Variants in TTC36 observed in about 807,000 individuals in gnomAD.
TTC36 encodes the protein tetratricopeptide repeat protein 36.
Under a neutral mutation model 17.5 loss-of-function variants are expected in TTC36, and 15 were observed. That is an observed-to-expected ratio of 0.86 (90% CI 0.57 to 1.32). The LOEUF (loss-of-function observed/expected upper bound fraction) is 1.32, where lower values mean the gene tolerates loss of function less well. Ranked by LOEUF, TTC36 falls within the 40% of genes most tolerant of loss-of-function variation. The probability of loss-of-function intolerance (pLI) is 0.00; values close to 1 mark genes in which losing one functional copy is unlikely to be tolerated. For synonymous variants in TTC36, 112 were observed against 109.8 expected (o/e 1.02, Z -0.13); for missense variants, 292 against 260.9 (o/e 1.12, Z -0.82).
chr11:118,527,911 T>C (rs1951114835), intron 1 of TTC36: 2 of 498,590 alleles, frequency 4.0e-6, no homozygotes, highest in East Asian at 5.5e-5. Flanking sequence ...CTCACATTTT[T>C]GTCATAACAG....
chr11:118,530,652 A>G lies in TTC36; in HGVS notation c.308-2A>G. Reference sequence around the variant, plus strand: ...GCCCCGCCCGTCTCGTCGGTCCCGCAGGCGCCCTGGAGGATCTGGAACGCG... The same window carrying G: ...GCCCCGCCCGTCTCGTCGGTCCCGCGGGCGCCCTGGAGGATCTGGAACGCG... On this transcript the variant is annotated splice_acceptor_variant, in intron 2 of 2. Transcript: ENST00000302783. LOFTEE classifies it high-confidence loss of function. The surrounding 1 kb of genome is among the most constrained non-coding windows in gnomAD (Gnocchi z 5.8). 6.9e-7 allele frequency: 1 copy of G among 1,446,700 alleles called. No individual in the cohort carries two copies. Among genetic ancestry groups the G allele is most frequent in the Non-Finnish European group, 9.0e-7 (1 of 1,109,436 alleles). The allele number at this position is 1,446,700 out of a possible 1,614,324, so 89.6% of individuals were successfully genotyped here. A position where few individuals can be genotyped will look rare whatever the true frequency, so the allele number is the denominator to read the frequency against.
At position 118,528,684 on chromosome 11, in the gene TTC36, T is replaced by TC. The variant is rs782654679; in HGVS notation, c.201dup (p.Ser68GlnfsTer16). On this transcript the variant is annotated frameshift_variant, in exon 2 of 3. Transcript: ENST00000302783. LOFTEE classifies it high-confidence loss of function. ...GTGATGGCAGCAGAGGCTGGGGACC[T>TC]CAGCACAGCCCTGGAGAGGTTTGGC... 2 of 1,612,874 alleles carry TC rather than the reference T, an allele frequency of 1.2e-6. No individual in the cohort carries two copies. The highest frequency in any genetic ancestry group is 2.2e-5 in the South Asian group (2 of 90,710).
rs1210787952 is a variant in TTC36, at chr11:118,530,863, C to T, written c.517C>T (p.Arg173Cys). ...LLNPYAALCN[R>C]MLADMMGQLR... ...CAACCCCTACGCCGCGCTGTGCAAC[C>T]GCATGCTGGCCGACATGATGGGGCA... The change falls in exon 3 of 3, where the codon CGC (arginine) becomes TGC (cysteine). Residue 173 changes from arginine to cysteine, a missense_variant. Physicochemically the swap from Arg to Cys is radical, Grantham distance 180 (BLOSUM62 -3). Transcript: ENST00000302783. The surrounding 1 kb of genome is among the most constrained non-coding windows in gnomAD (Gnocchi z 5.8). 1.3e-6 allele frequency: 2 copies of T among 1,509,944 alleles called. No individual in the cohort carries two copies. Among genetic ancestry groups the T allele is most frequent in the Non-Finnish European group, 1.8e-6 (2 of 1,136,730 alleles). 93.5% of individuals were successfully genotyped at this position (1,509,944 alleles called of 1,614,324 possible). A position where few individuals can be genotyped will look rare whatever the true frequency, so the allele number is the denominator to read the frequency against.
rs2135343538 is a variant in TTC36 at position 118,530,904 on chromosome 11, T to C, written c.558T>C (p.Arg186=). The part of the protein sequence containing the change: ...ADMMGQLRRP[R]DSR ...TGATGGGGCAGCTGCGCCGCCCCCG[T>C]GACAGCCGCTGAGCGCCGCGGACCC... The change falls in exon 3 of 3, where the codon CGT becomes CGC. Residue 186 remains arginine, a synonymous_variant. Coordinates refer to ENST00000302783, the MANE Select transcript of TTC36 (RefSeq NM_001080441.4). This position sits in a 1 kb window ranked among gnomAD's most constrained non-coding sequence, Gnocchi z 5.8. 1 of 1,502,138 alleles carries C rather than the reference T, an allele frequency of 6.7e-7. No homozygotes were observed. Among genetic ancestry groups the C allele is most frequent in the Non-Finnish European group, 8.8e-7 (1 of 1,133,048 alleles). 93.1% of individuals were successfully genotyped at this position (1,502,138 alleles called of 1,614,324 possible).
At position 118,530,843 on chromosome 11, in the gene TTC36, C is replaced by A. The variant is rs1555057462; in HGVS notation, c.497C>A (p.Pro166His). ...CGGCGCCAGCTGGTGCTGCTCAACC[C>A]CTACGCCGCGCTGTGCAACCGCATG... ...FARRQLVLLN[P>H]YAALCNRMLA... Residue 166 changes from proline (P) to histidine (H), a missense_variant, in exon 3 of 3, where the codon CCC (proline) becomes CAC (histidine). By Grantham distance (77) the Pro-to-His change is moderately conservative. Coordinates refer to ENST00000302783, the MANE Select transcript of TTC36 (RefSeq NM_001080441.4). The surrounding 1 kb of genome is among the most constrained non-coding windows in gnomAD (Gnocchi z 5.8). 3 of 1,511,442 alleles carry A rather than the reference C, an allele frequency of 2.0e-6. No individual in the cohort carries two copies. Among genetic ancestry groups the A allele is most frequent in the Non-Finnish European group, 2.6e-6 (3 of 1,137,458 alleles). 93.6% of individuals were successfully genotyped at this position (1,511,442 alleles called of 1,614,324 possible).
rs1951182499 is a variant in TTC36 at position 118,530,170 on chromosome 11, A to G, written c.308-484A>G. Among the ~76,000 whole-genome samples the G allele has an allele frequency of 1.3e-5, 2 of 152,228 alleles. No individual in the cohort carries two copies. The highest frequency in any genetic ancestry group is 6.5e-5 in the Admixed American group (1 of 15,288). On this transcript the variant is annotated intron_variant, in intron 2 of 2. Transcript: ENST00000302783. This position sits in a 1 kb window ranked among gnomAD's most constrained non-coding sequence, Gnocchi z 5.8. The stretch of plus-strand genomic sequence containing the variant: ...CGGCCCTCAAAAGGAAAACAATGAG[A>G]AACTGTCTTGATTGTACTTGTAAGA...
At chr11:118,528,443 G>A (rs1183654605) in intron 1 of TTC36, among the ~76,000 whole-genome samples, 160 bp from the exon 2 acceptor site, 1 of 152,144 alleles carries the variant, frequency 6.6e-6, no homozygotes, top group Non-Finnish European at 1.5e-5. Flanking sequence ...CAGCCTTAGT[G>A]ACCTCATCTC....
chr11:118,530,594 C>T lies in TTC36; in HGVS notation c.308-60C>T, dbSNP rs1951196858. 1 of 1,359,248 alleles carries T rather than the reference C, an allele frequency of 7.4e-7. No individual in the cohort carries two copies. The allele number at this position is 1,359,248 out of a possible 1,614,324, so 84.2% of individuals were successfully genotyped here. A position where few individuals can be genotyped will look rare whatever the true frequency, so the allele number is the denominator to read the frequency against. On this transcript the variant is annotated intron_variant, in intron 2 of 2. Transcript: ENST00000302783. This position sits in a 1 kb window ranked among gnomAD's most constrained non-coding sequence, Gnocchi z 5.8. The stretch of plus-strand genomic sequence containing the variant: ...GCGCGGCCGCAGGTGGGCTGGGGCT[C>T]GGGCAAGGCCGCCCTGGCCTCCGCT...
chr11:118,528,029 A>C (rs1481010020), intron 1 of TTC36: 4 of 457,654 alleles, frequency 8.7e-6, no homozygotes, highest in Admixed American at 7.1e-5. Context: ...CACTGTCACA[A>C]GCCAAGCTCC....
chr11:118,528,291 C>T (rs1447766781), intron 1 of TTC36, among the ~76,000 whole-genome samples: 2 of 152,154 alleles, frequency 1.3e-5, no homozygotes, highest in South Asian at 2.1e-4. Context: ...AGCTCTGCAA[C>T]GTATGGCCTG....
chr11:118,528,159 C>T, intron 1 of TTC36: 1 of 357,818 alleles, frequency 2.8e-6, no homozygotes, highest in Admixed American at 3.7e-5. Flanking sequence ...CAGGCCGAAA[C>T]ACAGAGGGAT....
Position 118,530,249 on chromosome 11 carries a change from C to G in TTC36, c.308-405C>G, listed in dbSNP as rs2135337007. On this transcript the variant is annotated intron_variant, in intron 2 of 2. Transcript: ENST00000302783. This position sits in a 1 kb window ranked among gnomAD's most constrained non-coding sequence, Gnocchi z 5.8. ...GAACCCTGACATTCAGAGTCAGTCA[C>G]CTGGCACATAGTGGATGCTTAATAA... 6.6e-6 allele frequency among the ~76,000 whole-genome samples: 1 copy of G among 152,344 alleles called. No individual in the cohort carries two copies. Among genetic ancestry groups the G allele is most frequent in the Admixed American group, 6.5e-5 (1 of 15,296 alleles).
Position 118,530,536 on chromosome 11 carries a change from C to T in TTC36, c.308-118C>T. On this transcript the variant is annotated intron_variant, in intron 2 of 2. Transcript: ENST00000302783. The surrounding 1 kb of genome is among the most constrained non-coding windows in gnomAD (Gnocchi z 5.8). Reference sequence around the variant, plus strand: ...AGGTGCGAGGCGGGTTGTAAATGGCCACGCCCGGGAGCCGCAAGAACCACG... The same window carrying T: ...AGGTGCGAGGCGGGTTGTAAATGGCTACGCCCGGGAGCCGCAAGAACCACG... 1 of 1,224,070 alleles carries T rather than the reference C, an allele frequency of 8.2e-7. No individual in the cohort carries two copies. The highest frequency in any genetic ancestry group is 3.2e-5 in the East Asian group (1 of 30,898). 75.8% of individuals were successfully genotyped at this position (1,224,070 alleles called of 1,614,324 possible).
In TTC36 at chr11:118,530,923, CGGACCCGGGCGTCCGCGGGCGAGG is replaced by C; in HGVS notation, c.*12_*35del. ...CCCCCGTGACAGCCGCTGAGCGCCG[CGGACCCGGGCGTCCGCGGGCGAGG>C]GGACGGGACTGGGCCCTGAACCAAT... is the stretch of plus-strand genomic sequence containing the variant. On this transcript the variant is annotated 3_prime_UTR_variant, in exon 3 of 3. Transcript: ENST00000302783. The surrounding 1 kb of genome is among the most constrained non-coding windows in gnomAD (Gnocchi z 5.8). 1 of 1,486,754 alleles carries C rather than the reference CGGACCCGGGCGTCCGCGGGCGAGG, an allele frequency of 6.7e-7. No homozygotes were observed. The highest frequency in any genetic ancestry group is 2.8e-5 in the East Asian group (1 of 36,088). 92.1% of individuals were successfully genotyped at this position (1,486,754 alleles called of 1,614,324 possible).
At position 118,530,665 on chromosome 11, in the gene TTC36, G is replaced by A; in HGVS notation, c.319G>A (p.Asp107Asn). 2.7e-6 allele frequency: 4 copies of A among 1,470,472 alleles called. No homozygotes were observed. The highest frequency in any genetic ancestry group is 3.0e-5 in the East Asian group (1 of 33,696). The allele number at this position is 1,470,472 out of a possible 1,614,324, so 91.1% of individuals were successfully genotyped here. The change falls in exon 3 of 3, where the codon GAT becomes AAT. Residue 107 changes from aspartate to asparagine, a missense_variant. Asp to Asn is a conservative substitution (Grantham distance 23, BLOSUM62 1). Transcript: ENST00000302783. The surrounding 1 kb of genome is among the most constrained non-coding windows in gnomAD (Gnocchi z 5.8). The stretch of plus-strand genomic sequence containing the variant: ...CGTCGGTCCCGCAGGCGCCCTGGAG[G>A]ATCTGGAACGCGCGGTGGAGCTGAG... ...LQGDVAGALE[D>N]LERAVELSGG...
Position 118,528,656 on chromosome 11 carries a change from G to A in TTC36, c.172G>A (p.Gly58Arg). ...LEQSKALELQ[G>R]VMAAEAGDLS... ...ACAGTCCAAGGCCCTGGAGCTGCAG[G>A]GGGTGATGGCAGCAGAGGCTGGGGA... Residue 58 changes from glycine to arginine, a missense_variant, in exon 2 of 3, where the codon GGG becomes AGG. Transcript: ENST00000302783. 1 of 1,610,966 alleles carries A rather than the reference G, an allele frequency of 6.2e-7. No homozygotes were observed. The highest frequency in any genetic ancestry group is 1.1e-5 in the South Asian group (1 of 90,098).
intron 1 of TTC36, chr11:118,527,887 G>A (rs933685158): frequency 3.2e-5 from 17 of 534,458 alleles, no homozygotes; most frequent in African/African-American, 2.8e-4. Context: ...TTAACTGCCA[G>A]GTGATGTTAA....
At chr11:118,527,856 A>C (rs1951113218) in intron 1 of TTC36, 4 of 589,358 alleles carry the variant, frequency 6.8e-6, no homozygotes, top group Admixed American at 4.3e-5. Flanking sequence ...CTTACCACTT[A>C]ATTGACTGTA....
chr11:118,528,945 A>G lies in TTC36; in HGVS notation c.307+154A>G, dbSNP rs140974587. ...AGGAGTAGTATCAGGGGACCTGCTA[A>G]TATCATGGGGTTAATGTGAAATTCA... On this transcript the variant is annotated intron_variant, in intron 2 of 2. Coordinates refer to ENST00000302783, the MANE Select transcript of TTC36 (RefSeq NM_001080441.4). Among the ~76,000 whole-genome samples the G allele has an allele frequency of 2.9e-3, 437 of 152,312 alleles. 2 individuals carry two copies. The highest frequency in any genetic ancestry group is 0.01 in the African/African-American group (420 of 41,570).
Sources: gnomAD v4.1 joint callset for allele counts (sites outside exome capture counted in the v4.1 genomes callset) on GRCh38, gnomAD v4.1.1 for gene constraint, Gnocchi (gnomAD v3.1) non-coding constraint, MANE v1.5 for transcripts, NCBI Gene and HGNC (gene_info 2026-07-23, HGNC 2026-07-21) for gene names.